ZMIZ1: variants seen among roughly 807,000 people sequenced by gnomAD.
The protein encoded by ZMIZ1 is zinc finger MIZ domain-containing protein 1.
ZMIZ1 carries 17 observed loss-of-function variants against 113.9 expected under a neutral mutation model. The ratio of observed to expected loss-of-function variants is 0.15; its 90% CI spans 0.10 to 0.22. ZMIZ1 has a LOEUF of 0.22. Among genes scored for constraint, ZMIZ1 ranks in the 10% least tolerant of loss-of-function variants. The pLI is 1.00. For missense variants in ZMIZ1, 1,059 were observed against 1,477.8 expected (o/e 0.72, Z 4.65); for synonymous variants, 607 against 603.1 (o/e 1.01, Z -0.09).
intron 8 of ZMIZ1, among the ~76,000 whole-genome samples, chr10:79,279,122 G>A (rs1389508731): frequency 3.4e-5 from 5 of 149,210 alleles, no homozygotes; most frequent in African/African-American, 7.6e-5. Context: ...CCCACCTCCC[G>A]GACGGGGCGG....
chr10:79,223,651 A>C (rs1004233196), intron 7 of ZMIZ1, among the ~76,000 whole-genome samples: 3 of 152,248 alleles, frequency 2.0e-5, no homozygotes, highest in Admixed American at 2.0e-4. Flanking sequence ...CAGCATGCCC[A>C]TTAATAGAGG....
intron 1 of ZMIZ1, among the ~76,000 whole-genome samples, chr10:79,080,744 T>G (rs1842632083): frequency 6.6e-6 from 1 of 152,120 alleles, no homozygotes; most frequent in South Asian, 2.1e-4. Context: ...TTTCTGCTTG[T>G]GCTTCATCTG....
intron 8 of ZMIZ1, among the ~76,000 whole-genome samples, chr10:79,277,978 C>G (rs1852409266): frequency 6.6e-6 from 1 of 152,232 alleles, no homozygotes; most frequent in Admixed American, 6.5e-5. Flanking sequence ...CTGCTCTCCC[C>G]TGTGTGTGTC....
Position 79,069,844 on chromosome 10 carries a change from G to A in ZMIZ1, c.-337+574G>A, listed in dbSNP as rs367786838. On this transcript the variant is annotated intron_variant, in intron 1 of 24. Coordinates refer to ENST00000334512, the MANE Select transcript of ZMIZ1 (RefSeq NM_020338.4). This position sits in a 1 kb window ranked among gnomAD's most constrained non-coding sequence, Gnocchi z 4.6. Reference sequence around the variant, plus strand: ...GTGGGGGCGCGGTTAAGTTGTTTGTGTGGGAATTGCCCGGGGAAAGCTGGC... The same window carrying A: ...GTGGGGGCGCGGTTAAGTTGTTTGTATGGGAATTGCCCGGGGAAAGCTGGC... Among the ~76,000 whole-genome samples the A allele has an allele frequency of 6.6e-6, 1 of 151,986 alleles. No homozygotes were observed. The highest frequency in any genetic ancestry group is 1.5e-5 in the Non-Finnish European group (1 of 67,968).
intron 11 of ZMIZ1, chr10:79,292,800 A>G: frequency 2.2e-6 from 1 of 463,362 alleles, no homozygotes; most frequent in Non-Finnish European, 4.3e-6. Flanking sequence ...CTGCTCCCTG[A>G]CCTTCTGAAG....
At chr10:79,304,386 G>T (rs1854540747) in intron 19 of ZMIZ1, among the ~76,000 whole-genome samples, 1 of 152,250 alleles carries the variant, frequency 6.6e-6, no homozygotes, top group South Asian at 2.1e-4. Context: ...TACAGAAATG[G>T]GTTCGGACAG....
chr10:79,228,863 C>G (rs921512754), intron 7 of ZMIZ1, among the ~76,000 whole-genome samples: 8 of 152,244 alleles, frequency 5.3e-5, no homozygotes, highest in African/African-American at 1.9e-4. Context: ...CCTGGTTTAG[C>G]TCTGCAGCTT....
chr10:79,229,619 G>A (rs963056728), intron 7 of ZMIZ1, among the ~76,000 whole-genome samples: 1 of 152,184 alleles, frequency 6.6e-6, no homozygotes, highest in African/African-American at 2.4e-5. Flanking sequence ...CAGAAACTCA[G>A]CGCACAGGAT....
chr10:79,188,640 C>T (rs1301134667), intron 4 of ZMIZ1, among the ~76,000 whole-genome samples: 2 of 150,916 alleles, frequency 1.3e-5, no homozygotes, highest in Non-Finnish European at 3.0e-5. Context: ...CTAGTATCCC[C>T]TCCCCCAGTC....
intron 3 of ZMIZ1, among the ~76,000 whole-genome samples, chr10:79,154,237 G>A (rs1449919131): frequency 6.6e-6 from 1 of 152,116 alleles, no homozygotes; most frequent in Non-Finnish European, 1.5e-5. Context: ...CCCCCTTTGG[G>A]TTTGTGTCCC....
intron 13 of ZMIZ1, among the ~76,000 whole-genome samples, chr10:79,297,211 A>G (rs115047157): frequency 0.029 from 4,455 of 152,340 alleles, 135 homozygotes; most frequent in African/African-American, 0.071. Flanking sequence ...CACTTTAGAA[A>G]TAACACTATG....
At chr10:79,096,513 A>G (rs1843175515) in intron 1 of ZMIZ1, among the ~76,000 whole-genome samples, 1 of 141,008 alleles carries the variant, frequency 7.1e-6, no homozygotes, top group South Asian at 2.1e-4. Flanking sequence ...CTCCGTCTCA[A>G]AAGAAAAGAA....
intron 14 of ZMIZ1, 124 bp downstream of exon 14, chr10:79,297,814 T>G: frequency 1.3e-6 from 1 of 765,292 alleles, no homozygotes; most frequent in Non-Finnish European, 2.2e-6. Flanking sequence ...GTGCACTCCC[T>G]GGTCCCCTGT....
intron 7 of ZMIZ1, among the ~76,000 whole-genome samples, chr10:79,262,640 C>T (rs561900269): frequency 6.6e-6 from 1 of 152,392 alleles, no homozygotes; most frequent in Non-Finnish European, 1.5e-5. Context: ...TTTCCTCCCT[C>T]CCCTCAGTGT....
intron 4 of ZMIZ1, among the ~76,000 whole-genome samples, chr10:79,179,486 C>T (rs2132561981): frequency 6.6e-6 from 1 of 152,402 alleles, no homozygotes; most frequent in East Asian, 1.9e-4. Context: ...GGGCACCACG[C>T]CTCTTCCAGG....
At chr10:79,209,383 C>G (rs568488971) in intron 6 of ZMIZ1, among the ~76,000 whole-genome samples, 2 of 152,356 alleles carry the variant, frequency 1.3e-5, no homozygotes, top group Non-Finnish European at 2.9e-5. Context: ...AACAGGGCCC[C>G]ATGGAAGTCA....
chr10:79,202,547 C>G (rs1191987350), intron 5 of ZMIZ1, among the ~76,000 whole-genome samples: 2 of 52,452 alleles, frequency 3.8e-5, no homozygotes, highest in Non-Finnish European at 1.1e-4. Flanking sequence ...TAGCCTGAGT[C>G]CACTCAGCCC....
intron 3 of ZMIZ1, among the ~76,000 whole-genome samples, chr10:79,158,556 T>C: frequency 6.6e-6 from 1 of 152,216 alleles, no homozygotes; most frequent in East Asian, 1.9e-4. Flanking sequence ...AGAGAGCAAC[T>C]GGCTACTTAG....
At chr10:79,283,455 C>G (rs11002910) in intron 8 of ZMIZ1, among the ~76,000 whole-genome samples, 8,850 of 152,226 alleles carry the variant, frequency 0.058, 502 homozygotes, top group East Asian at 0.19. Context: ...AGTCATTATT[C>G]CCCTGATCCT....
Sources: allele counts gnomAD v4.1 joint callset (sites outside exome capture counted in the v4.1 genomes callset), GRCh38; gene constraint gnomAD v4.1.1; non-coding constraint Gnocchi (gnomAD v3.1); transcripts MANE v1.5; gene names NCBI Gene and HGNC (gene_info 2026-07-23, HGNC 2026-07-21).